MARCHF11: variants seen among roughly 807,000 people sequenced by gnomAD.
The protein encoded by MARCHF11 is E3 ubiquitin-protein ligase MARCHF11.
Under a neutral mutation model 37.3 loss-of-function variants are expected in MARCHF11, and 29 were observed. The ratio of observed to expected loss-of-function variants is 0.78; its 90% CI spans 0.58 to 1.06. The LOEUF is 1.06. Ranked by LOEUF, MARCHF11 falls within the 50% of genes least tolerant of loss-of-function variation. The pLI is 0.00. For missense variants in MARCHF11, 482 were observed against 533.4 expected, an observed-to-expected ratio of 0.90 and a Z score of 0.95; for synonymous variants, 233 against 228.0, an observed-to-expected ratio of 1.02 and a Z score of -0.20.
rs1247564754 is a variant in MARCHF11 at position 16,150,970 on chromosome 5, T to C, written c.693+26756A>G. Among the ~76,000 whole-genome samples, 8 of 152,204 alleles carry C rather than the reference T, an allele frequency of 5.3e-5. 1 individual carries two copies. The East Asian group carries it at 7.7e-4, about 15-fold the overall frequency. ...ATGAATCAACTCAAGTGCTTCCCAC[T>C]GCATGAGCCCCTTCTTTGATCTTCC... On this transcript the variant is annotated intron_variant, in intron 2 of 3. Transcript: ENST00000332432.
intron 2 of MARCHF11, among the ~76,000 whole-genome samples, chr5:16,098,902 T>C (rs576916227): frequency 2.6e-5 from 4 of 152,300 alleles, no homozygotes; most frequent in Middle Eastern, 3.4e-3. Flanking sequence ...TTAAGACTAA[T>C]TTTTTAAAAA....
chr5:16,119,591 C>T (rs1737279715), intron 2 of MARCHF11, among the ~76,000 whole-genome samples: 1 of 151,894 alleles, frequency 6.6e-6, no homozygotes, highest in African/African-American at 2.4e-5. Flanking sequence ...GAAGAAAAAA[C>T]ATTTTAATTT....
chr5:16,096,866 G>A (rs1036996278), intron 2 of MARCHF11, among the ~76,000 whole-genome samples: 15 of 152,134 alleles, frequency 9.9e-5, no homozygotes, highest in Admixed American at 2.0e-4. Context: ...TCTCAATTTA[G>A]GAACCAATTT....
intron 2 of MARCHF11, among the ~76,000 whole-genome samples, chr5:16,096,355 T>C (rs556677750): frequency 5.5e-4 from 84 of 152,346 alleles, no homozygotes; most frequent in Non-Finnish European, 1.0e-3. Flanking sequence ...AGGAGTTATA[T>C]CTCTTTAATT....
intron 2 of MARCHF11, among the ~76,000 whole-genome samples, chr5:16,114,244 A>G (rs1737195310): frequency 6.6e-6 from 1 of 152,226 alleles, no homozygotes; most frequent in Admixed American, 6.5e-5. Flanking sequence ...AACTGTTAAT[A>G]CAATCCTCCT....
At chr5:16,142,884 C>CTTTTTTTTTTTTTTTT (rs61225598) in intron 2 of MARCHF11, among the ~76,000 whole-genome samples, 2 of 52,212 alleles carry the variant, frequency 3.8e-5, no homozygotes, top group Non-Finnish European at 6.0e-5. Context: ...CCACACCTGG[C>CTTTTTTTTTTTTTTTT]TTTTTTTTTT....
At chr5:16,077,034 T>C (rs16868070) in intron 3 of MARCHF11, among the ~76,000 whole-genome samples, 4,139 of 152,276 alleles carry the variant, frequency 0.027, 175 homozygotes, top group African/African-American at 0.094. Context: ...TTGGATAGGA[T>C]ATAGGAGGAT....
chr5:16,071,891 C>T lies in MARCHF11; in HGVS notation c.887-4098G>A, dbSNP rs181034306. On this transcript the variant is annotated intron_variant, in intron 3 of 3. Coordinates refer to ENST00000332432, the MANE Select transcript of MARCHF11 (RefSeq NM_001102562.3). ...CAAATACTGTGCAAAGAGCTTTACACGCACAATTTTCATTTAATCTTGACT... is the reference window on the plus strand; with the variant it reads ...CAAATACTGTGCAAAGAGCTTTACATGCACAATTTTCATTTAATCTTGACT... 1.6e-3 allele frequency among the ~76,000 whole-genome samples: 251 copies of T among 152,246 alleles called. 2 individuals carry two copies. The South Asian group carries it at 0.019, about 12-fold the overall frequency.
chr5:16,154,744 G>A (rs1737938673), intron 2 of MARCHF11, among the ~76,000 whole-genome samples: 1 of 151,880 alleles, frequency 6.6e-6, no homozygotes, highest in South Asian at 2.1e-4. Flanking sequence ...AGAAAACAAT[G>A]TTCAACCTCA....
intron 3 of MARCHF11, among the ~76,000 whole-genome samples, chr5:16,068,307 C>G (rs1353277176): frequency 6.6e-6 from 1 of 152,164 alleles, no homozygotes; most frequent in Middle Eastern, 3.2e-3. Flanking sequence ...TATTTGTACT[C>G]TCCTCAACAA....
intron 2 of MARCHF11, among the ~76,000 whole-genome samples, chr5:16,091,784 T>G (rs1019643214): frequency 1.3e-5 from 2 of 152,234 alleles, no homozygotes; most frequent in African/African-American, 4.8e-5. Flanking sequence ...GGGCAAATAA[T>G]TTGGTGCCCT....
intron 2 of MARCHF11, among the ~76,000 whole-genome samples, chr5:16,104,126 T>C (rs759980650): frequency 2.0e-5 from 3 of 152,216 alleles, no homozygotes; most frequent in Non-Finnish European, 4.4e-5. Context: ...TCAACTGAGC[T>C]GCCCAGCTTC....
rs573291290 is a variant in MARCHF11 at position 16,117,034 on chromosome 5, A to T, written c.694-25953T>A. On this transcript the variant is annotated intron_variant, in intron 2 of 3. Coordinates refer to ENST00000332432, the MANE Select transcript of MARCHF11 (RefSeq NM_001102562.3). ...GATTTTAATTTTAGAGCTATTACTT[A>T]AGTGACAAGTTGGAAACACACTGAG... Among the ~76,000 whole-genome samples the T allele has an allele frequency of 2.0e-5, 3 of 152,324 alleles. No homozygotes were observed. The East Asian group carries it at 5.8e-4, about 29-fold the overall frequency.
rs954646339 is a variant in MARCHF11, at chr5:16,137,113, G to A, written c.693+40613C>T. On this transcript the variant is annotated intron_variant, in intron 2 of 3. Transcript: ENST00000332432. ...TATTATGTAACTAAGCCCTCATTAT[G>A]TTCAAAACTCAGAAGAAAAAGGCCC... is the stretch of plus-strand genomic sequence containing the variant. Among the ~76,000 whole-genome samples the A allele has an allele frequency of 4.6e-5, 7 of 152,286 alleles. No individual in the cohort carries two copies. The South Asian group carries it at 8.3e-4, about 18-fold the overall frequency.
chr5:16,112,492 T>C (rs1737160014), intron 2 of MARCHF11, among the ~76,000 whole-genome samples: 1 of 152,194 alleles, frequency 6.6e-6, no homozygotes, highest in Non-Finnish European at 1.5e-5. Context: ...TTTTCTCCCA[T>C]TTGGAACGGC....
At chr5:16,122,381 T>C (rs1340265970) in intron 2 of MARCHF11, among the ~76,000 whole-genome samples, 1 of 152,190 alleles carries the variant, frequency 6.6e-6, no homozygotes, top group African/African-American at 2.4e-5. Flanking sequence ...CAAGTTCCAG[T>C]ATCCTCCTTT....
At chr5:16,093,926 A>AT (rs577006563) in intron 2 of MARCHF11, among the ~76,000 whole-genome samples, 255 of 152,190 alleles carry the variant, frequency 1.7e-3, no homozygotes, top group Non-Finnish European at 2.8e-3. Context: ...GCTCCCTGAA[A>AT]TTTTTTTTGG....
At chr5:16,135,379 A>G (rs6874693) in intron 2 of MARCHF11, among the ~76,000 whole-genome samples, 34,693 of 152,100 alleles carry the variant, frequency 0.23, 4,124 homozygotes, top group South Asian at 0.32. Context: ...CATAAAATTA[A>G]GTACATTATT....
intron 3 of MARCHF11, among the ~76,000 whole-genome samples, chr5:16,073,737 A>G (rs1047986895): frequency 2.0e-5 from 3 of 152,128 alleles, no homozygotes; most frequent in African/African-American, 7.2e-5. Context: ...AGCTGTCATA[A>G]ATTGATATCC....
Sources: allele counts gnomAD v4.1 joint callset (sites outside exome capture counted in the v4.1 genomes callset), GRCh38; gene constraint gnomAD v4.1.1; transcripts MANE v1.5; gene names NCBI Gene and HGNC (gene_info 2026-07-23, HGNC 2026-07-21).